Variants in SUMF1 observed in about 807,000 individuals in gnomAD.
SUMF1 encodes the protein sulfatase modifying factor 1.
Under a neutral mutation model 47.6 loss-of-function variants are expected in SUMF1, and 48 were observed. That is an observed-to-expected ratio of 1.01 (90% CI 0.80 to 1.28). SUMF1 has a LOEUF of 1.28. Ranked by LOEUF, SUMF1 falls within the 50% of genes most tolerant of loss-of-function variation. SUMF1 has a pLI of 0.00. For synonymous variants in SUMF1, 230 were observed against 192.1 expected (o/e 1.20, Z -1.63); for missense variants, 571 against 485.4 (o/e 1.18, Z -1.66).
chr3:4,353,456 G>C (rs972067976), intron 8 of SUMF1, among the ~76,000 whole-genome samples: 7 of 152,114 alleles, frequency 4.6e-5, no homozygotes. Context: ...GTTTCACCGT[G>C]TTAGCCAGGA....
intron 8 of SUMF1, among the ~76,000 whole-genome samples, chr3:4,108,238 G>T (rs1442254159): frequency 1.3e-5 from 2 of 152,124 alleles, no homozygotes; most frequent in Non-Finnish European, 2.9e-5. Flanking sequence ...GAGCAGTTTT[G>T]AGTGAGTTTC....
chr3:4,369,744 G>A (rs1262237605), intron 8 of SUMF1, among the ~76,000 whole-genome samples: 2 of 152,176 alleles, frequency 1.3e-5, no homozygotes, highest in Non-Finnish European at 2.9e-5. Flanking sequence ...GATTCAGGAA[G>A]TCTAGTATGG....
At chr3:4,175,516 A>C (rs1323119181) in intron 8 of SUMF1, among the ~76,000 whole-genome samples, 1 of 152,192 alleles carries the variant, frequency 6.6e-6, no homozygotes, top group African/African-American at 2.4e-5. Flanking sequence ...GGTCATCTAC[A>C]CCAAAACCCC....
intron 3 of SUMF1, among the ~76,000 whole-genome samples, chr3:4,433,620 G>T (rs1050766830): frequency 2.6e-5 from 4 of 152,176 alleles, no homozygotes; most frequent in Non-Finnish European, 5.9e-5. Flanking sequence ...CTCTCCCCAA[G>T]GAAAAGCTGA....
At chr3:4,162,178 C>T (rs936402455) in intron 8 of SUMF1, among the ~76,000 whole-genome samples, 3 of 152,120 alleles carry the variant, frequency 2.0e-5, no homozygotes, top group African/African-American at 7.2e-5. Flanking sequence ...AGCTGATATC[C>T]AAGTTGCAAG....
chr3:4,094,773 G>C (rs1692865303), intron 8 of SUMF1, among the ~76,000 whole-genome samples: 2 of 152,068 alleles, frequency 1.3e-5, no homozygotes, highest in Non-Finnish European at 2.9e-5. Context: ...CTTATAGTTA[G>C]GGAAGTAATG....
intron 9 of SUMF1, among the ~76,000 whole-genome samples, chr3:4,066,440 T>C (rs527942441): frequency 2.0e-5 from 3 of 152,236 alleles, no homozygotes; most frequent in Admixed American, 1.3e-4. Flanking sequence ...TGAATAAACA[T>C]AGAAATTGGC....
intron 1 of SUMF1, 52 bp from the exon 2 acceptor site, chr3:4,453,101 C>T (rs560145047): frequency 2.6e-6 from 4 of 1,565,842 alleles, no homozygotes; most frequent in Non-Finnish European, 1.7e-6. Context: ...CAAGGTGTAC[C>T]TGTGTAGGGG....
intron 8 of SUMF1, among the ~76,000 whole-genome samples, chr3:4,334,507 T>C (rs576622701): frequency 7.9e-5 from 12 of 152,234 alleles, no homozygotes; most frequent in Non-Finnish European, 1.6e-4. Flanking sequence ...TTTCAGGACA[T>C]GTTCTCTAGG....
chr3:4,098,386 A>G (rs913695301), intron 8 of SUMF1, among the ~76,000 whole-genome samples: 4 of 152,170 alleles, frequency 2.6e-5, no homozygotes, highest in African/African-American at 9.7e-5. Flanking sequence ...ACACAATATT[A>G]TATATTAAAA....
At chr3:4,048,070 G>A (rs956745107) in intron 9 of SUMF1, among the ~76,000 whole-genome samples, 2 of 152,120 alleles carry the variant, frequency 1.3e-5, no homozygotes, top group Non-Finnish European at 2.9e-5. Flanking sequence ...TCATTCAGAA[G>A]CCTATGATCT....
At chr3:4,174,298 G>A (rs1385465097) in intron 8 of SUMF1, among the ~76,000 whole-genome samples, 1 of 148,356 alleles carries the variant, frequency 6.7e-6, no homozygotes, top group Non-Finnish European at 1.5e-5. Flanking sequence ...GGAGCTTGCA[G>A]TGAGCCAAGA....
chr3:4,191,802 A>G lies in SUMF1; in HGVS notation c.1015-123057T>C, dbSNP rs574858471. ...CAGATTTATTGGTAGTTAAGAGTGA[A>G]TCAAGAATTCTGTAAAGGCTTGAAA... is the stretch of plus-strand genomic sequence containing the variant. On this transcript the variant is annotated intron_variant and NMD_transcript_variant, in intron 8 of 12. Transcript: ENST00000448413. 3.9e-5 allele frequency among the ~76,000 whole-genome samples: 6 copies of G among 152,266 alleles called. No individual in the cohort carries two copies. The South Asian group carries it at 1.2e-3, about 32-fold the overall frequency.
intron 8 of SUMF1, among the ~76,000 whole-genome samples, chr3:4,375,498 T>A (rs527883257): frequency 7.9e-5 from 12 of 152,230 alleles, no homozygotes; most frequent in African/African-American, 2.9e-4. Context: ...CAATGTGGAA[T>A]AAAGTTTGAG....
At chr3:4,446,556 T>C (rs1354141309) in intron 3 of SUMF1, among the ~76,000 whole-genome samples, 1 of 152,196 alleles carries the variant, frequency 6.6e-6, no homozygotes, top group Non-Finnish European at 1.5e-5. Flanking sequence ...ATGGATTAGG[T>C]ACTAAGCATC....
chr3:4,057,319 C>T (rs1175979894), intron 9 of SUMF1, among the ~76,000 whole-genome samples: 1 of 152,102 alleles, frequency 6.6e-6, no homozygotes, highest in Non-Finnish European at 1.5e-5. Context: ...TTGCTCTTGT[C>T]TCCTCCTCAC....
intron 8 of SUMF1, chr3:4,304,218 C>T (rs34326077): frequency 0.28 from 42,346 of 153,062 alleles, 6,933 homozygotes; most frequent in Non-Finnish European, 0.37. Context: ...CTCGGCCCAC[C>T]GCAACCTCCA....
chr3:4,331,511 A>C (rs1002891329), intron 8 of SUMF1, among the ~76,000 whole-genome samples: 1 of 152,318 alleles, frequency 6.6e-6, no homozygotes, highest in African/African-American at 2.4e-5. Flanking sequence ...AGCTAGGCCT[A>C]GTCATAGCCT....
At chr3:4,388,823 G>C (rs1700757485) in intron 7 of SUMF1, among the ~76,000 whole-genome samples, 1 of 151,988 alleles carries the variant, frequency 6.6e-6, no homozygotes. Context: ...AAATGTATCA[G>C]TCTACTCATG....
Sources: allele counts gnomAD v4.1 joint callset (sites outside exome capture counted in the v4.1 genomes callset), GRCh38; gene constraint gnomAD v4.1.1; transcripts MANE v1.5; gene names NCBI Gene and HGNC (gene_info 2026-07-23, HGNC 2026-07-21).